The following PIK3R6 variants were observed in gnomAD, a reference collection of about 807,000 sequenced individuals.
PIK3R6 encodes phosphoinositide 3-kinase regulatory subunit 6.
In PIK3R6, 91 loss-of-function variants were observed where a neutral mutation model predicts 84.9. The observed-to-expected ratio is 1.07, with a 90% CI of 0.90 to 1.28. The LOEUF is 1.28. Among genes scored for constraint, PIK3R6 ranks in the 50% most tolerant of loss-of-function variants. The probability of loss-of-function intolerance (pLI) is 0.00; values close to 1 mark genes in which losing one functional copy is unlikely to be tolerated. For missense variants in PIK3R6, 996 were observed against 985.1 expected (o/e 1.01, Z -0.15); for synonymous variants, 416 against 411.4 (o/e 1.01, Z -0.13).
intron 1 of PIK3R6, among the ~76,000 whole-genome samples, 183 bp from the exon 2 acceptor site, chr17:8,850,068 C>A (rs2088908127): frequency 1.3e-5 from 2 of 152,110 alleles, no homozygotes. Flanking sequence ...CGTTGGGAGG[C>A]CAAGGCGGGT....
In PIK3R6 at chr17:8,857,917, A is replaced by AAAT. The variant is rs1383277065; in HGVS notation, c.-91-8033_-91-8032insATT. On this transcript the variant is annotated intron_variant, in intron 1 of 19. Coordinates refer to ENST00000619866, the MANE Select transcript of PIK3R6 (RefSeq NM_001010855.4). Reference sequence around the variant, plus strand: ...CTCTGTCTCAAAAAAAAAAAAAAAAAAGGGAAAGTAAAATTCTAAGAAACT... The same window carrying AAAT: ...CTCTGTCTCAAAAAAAAAAAAAAAAAAATAGGGAAAGTAAAATTCTAAGAAACT... 1.6e-4 allele frequency among the ~76,000 whole-genome samples: 25 copies of AAAT among 152,086 alleles called. 1 individual carries two copies. The highest frequency in any genetic ancestry group is 6.0e-4 in the African/African-American group (25 of 41,488).
chr17:8,830,296 C>T (rs1011667256), intron 9 of PIK3R6, among the ~76,000 whole-genome samples: 2 of 152,240 alleles, frequency 1.3e-5, no homozygotes, highest in African/African-American at 4.8e-5. Flanking sequence ...GCAGCAGGAA[C>T]CCCGGGCAGT....
Position 8,817,923 on chromosome 17 carries a change from C to CT in PIK3R6, c.1995+1159dup, listed in dbSNP as rs1253717093. Among the ~76,000 whole-genome samples, 409 of 142,550 alleles carry CT rather than the reference C, an allele frequency of 2.9e-3. 1 individual carries two copies. The highest frequency in any genetic ancestry group is 9.3e-3 in the African/African-American group (365 of 39,116). 93.5% of individuals were successfully genotyped at this position (142,550 alleles called of 152,430 possible). On this transcript the variant is annotated intron_variant, in intron 18 of 19. Transcript: ENST00000619866. ...TGGCAGAGTTGTTTTTTTTTTTTTC[C>CT]TTTTTTTTTTCTTTTAAGATGGAAA...
intron 13 of PIK3R6, among the ~76,000 whole-genome samples, chr17:8,823,894 C>T (rs576370488): frequency 2.0e-5 from 3 of 152,272 alleles, no homozygotes; most frequent in South Asian, 2.1e-4. Flanking sequence ...CTATGAGGCC[C>T]GAGTGTCCTT....
Position 8,860,019 on chromosome 17 carries a change from T to C in PIK3R6, c.-92+7510A>G, listed in dbSNP as rs545193249. On this transcript the variant is annotated intron_variant, in intron 1 of 19. Transcript: ENST00000619866. ...GAAGACTAACCATTTCGCAGACTCA[T>C]GTAAGAGACTCTCAGAGACTTTGCT... Among the ~76,000 whole-genome samples the C allele has an allele frequency of 2.6e-5, 4 of 152,330 alleles. No homozygotes were observed. In the East Asian group the frequency reaches 5.8e-4, roughly 22 times the overall value.
chr17:8,821,399 T>C (rs916536771), intron 17 of PIK3R6, among the ~76,000 whole-genome samples: 1 of 151,946 alleles, frequency 6.6e-6, no homozygotes, highest in African/African-American at 2.4e-5. Context: ...ATATTCATAA[T>C]CCGTATCGCC....
chr17:8,866,050 G>GC (rs1209348273), intron 1 of PIK3R6, among the ~76,000 whole-genome samples: 37 of 152,118 alleles, frequency 2.4e-4, no homozygotes, highest in African/African-American at 8.9e-4. Flanking sequence ...GCAGGTTCTA[G>GC]TGTGAGGCAG....
intron 10 of PIK3R6, among the ~76,000 whole-genome samples, chr17:8,829,495 C>G (rs2088123407): frequency 8.1e-6 from 1 of 122,968 alleles, no homozygotes; most frequent in African/African-American, 3.4e-5. Context: ...CGCATACACA[C>G]ACACTGACAC....
At chr17:8,853,428 T>C (rs1231848535) in intron 1 of PIK3R6, among the ~76,000 whole-genome samples, 3 of 143,914 alleles carry the variant, frequency 2.1e-5, no homozygotes, top group Non-Finnish European at 4.5e-5. Flanking sequence ...GAGCTTGCAG[T>C]GAGCCGAGAT....
At chr17:8,859,074 A>G (rs542635368) in intron 1 of PIK3R6, among the ~76,000 whole-genome samples, 16 of 152,370 alleles carry the variant, frequency 1.1e-4, no homozygotes, top group Non-Finnish European at 1.8e-4. Context: ...ATGAAGAAAC[A>G]AAGCCTGAGA....
chr17:8,860,256 C>A (rs2089240472), intron 1 of PIK3R6, among the ~76,000 whole-genome samples: 1 of 151,750 alleles, frequency 6.6e-6, no homozygotes, highest in Non-Finnish European at 1.5e-5. Flanking sequence ...GGCTGGTGAG[C>A]CACCAGGACC....
intron 2 of PIK3R6, among the ~76,000 whole-genome samples, chr17:8,845,816 G>A (rs865919565): frequency 1.4e-4 from 21 of 152,176 alleles, no homozygotes; most frequent in Admixed American, 1.0e-3. Context: ...GCGTAATGAT[G>A]ATCCCAGCTA....
chr17:8,832,577 T>G (rs1177725459), intron 9 of PIK3R6, among the ~76,000 whole-genome samples: 1 of 136,834 alleles, frequency 7.3e-6, no homozygotes, highest in East Asian at 2.2e-4. Flanking sequence ...GACTAAACCC[T>G]CTACTACTTT....
chr17:8,810,709 C>A lies in PIK3R6; in HGVS notation c.1996-6556G>T, dbSNP rs151008981. 2.6e-3 allele frequency among the ~76,000 whole-genome samples: 388 copies of A among 148,842 alleles called. 22 individuals carry two copies. Among genetic ancestry groups the A allele is most frequent in the Admixed American group, 3.9e-3 (57 of 14,646 alleles). The stretch of plus-strand genomic sequence containing the variant: ...CCAGAAGGGGAGTCAAATCTTAAAC[C>A]TCCAAAATGATCTCCTTTGACTCCA... On this transcript the variant is annotated intron_variant, in intron 18 of 19. Coordinates refer to ENST00000619866, the MANE Select transcript of PIK3R6 (RefSeq NM_001010855.4).
At chr17:8,845,432 T>C (rs2088793203) in intron 2 of PIK3R6, among the ~76,000 whole-genome samples, 1 of 152,228 alleles carries the variant, frequency 6.6e-6, no homozygotes. Context: ...CATTTTTCCA[T>C]ATTTGTTGGC....
At chr17:8,838,351 T>G in intron 4 of PIK3R6, 1 of 528,940 alleles carries the variant, frequency 1.9e-6, no homozygotes, top group Non-Finnish European at 3.4e-6. Context: ...TTATAGTGCT[T>G]CTTTTTGAAA....
At position 8,862,270 on chromosome 17, in the gene PIK3R6, C is replaced by T. The variant is rs1282335156; in HGVS notation, c.-92+5259G>A. Among the ~76,000 whole-genome samples, 1 of 152,174 alleles carries T rather than the reference C, an allele frequency of 6.6e-6. No individual in the cohort carries two copies. The highest frequency in any genetic ancestry group is 1.5e-5 in the Non-Finnish European group (1 of 68,038). On this transcript the variant is annotated intron_variant, in intron 1 of 19. Transcript: ENST00000619866. The surrounding 1 kb of genome is among the most constrained non-coding windows in gnomAD (Gnocchi z 4.3). ...TTGCTCACTGTTGAGTCCCCATTAC[C>T]TGACACTGTTTATACCACATGGAAG...
At chr17:8,829,370 A>C (rs1246861260) in intron 10 of PIK3R6, among the ~76,000 whole-genome samples, 2 of 149,314 alleles carry the variant, frequency 1.3e-5, no homozygotes. Flanking sequence ...ACACACATGC[A>C]TGGATACACA....
At chr17:8,806,461 A>G (rs1365709531) in intron 18 of PIK3R6, among the ~76,000 whole-genome samples, 2 of 152,124 alleles carry the variant, frequency 1.3e-5, no homozygotes, top group Non-Finnish European at 1.5e-5. Flanking sequence ...GTGTGGGCAG[A>G]TGCCTTTCAT....
Sources: gnomAD v4.1 joint callset for allele counts (sites outside exome capture counted in the v4.1 genomes callset) on GRCh38, gnomAD v4.1.1 for gene constraint, Gnocchi (gnomAD v3.1) non-coding constraint, MANE v1.5 for transcripts, NCBI Gene and HGNC (gene_info 2026-07-23, HGNC 2026-07-21) for gene names.